The following ATP8A2 variants were observed in gnomAD, a reference collection of about 807,000 sequenced individuals.
The protein encoded by ATP8A2 is phospholipid-transporting ATPase IB.
ATP8A2 carries 100 observed loss-of-function variants against 165.6 expected under a neutral mutation model. That is an observed-to-expected ratio of 0.60 (90% confidence interval 0.51 to 0.71). The LOEUF (loss-of-function observed/expected upper bound fraction) is 0.71, where lower values mean the gene tolerates loss of function less well. Among genes scored for constraint, ATP8A2 ranks in the 30% least tolerant of loss-of-function variants. ATP8A2 has a pLI of 0.00. For missense variants in ATP8A2, 1,227 were observed against 1,479.5 expected, an observed-to-expected ratio of 0.83 and a Z score of 2.80; for synonymous variants, 543 against 548.8, an observed-to-expected ratio of 0.99 and a Z score of 0.15.
intron 16 of ATP8A2, chr13:25,567,304 C>G: frequency 2.2e-6 from 1 of 456,658 alleles, no homozygotes; most frequent in Non-Finnish European, 4.4e-6. Flanking sequence ...AATACCTCTC[C>G]CATTGCCTTC....
At chr13:25,907,919 C>T (rs144770845) in intron 33 of ATP8A2, among the ~76,000 whole-genome samples, 5 of 152,218 alleles carry the variant, frequency 3.3e-5, no homozygotes, top group East Asian at 3.9e-4. Context: ...GCCAACTCTA[C>T]GAGGAAATAG....
intron 33 of ATP8A2, among the ~76,000 whole-genome samples, chr13:25,960,941 G>C (rs7333000): frequency 4.6e-5 from 7 of 152,144 alleles, no homozygotes; most frequent in African/African-American, 1.7e-4. Flanking sequence ...TACTGAAATC[G>C]TGTTCATGTT....
intron 24 of ATP8A2, among the ~76,000 whole-genome samples, chr13:25,627,225 T>A (rs2041124250): frequency 6.6e-6 from 1 of 151,940 alleles, no homozygotes; most frequent in African/African-American, 2.4e-5. Context: ...GCAGAATACA[T>A]AGGAGGTGGT....
At chr13:25,377,873 C>T (rs531953202) in intron 1 of ATP8A2, among the ~76,000 whole-genome samples, 1 of 152,246 alleles carries the variant, frequency 6.6e-6, no homozygotes, top group Non-Finnish European at 1.5e-5. Flanking sequence ...AATCTCAGCA[C>T]TTTGGGAGGC....
chr13:25,573,431 GC>G (rs2039524724), intron 18 of ATP8A2, among the ~76,000 whole-genome samples: 1 of 152,116 alleles, frequency 6.6e-6, no homozygotes, highest in Non-Finnish European at 1.5e-5. Context: ...ACAAAAGACT[GC>G]CTGATTAGTT....
intron 27 of ATP8A2, among the ~76,000 whole-genome samples, chr13:25,804,114 T>C (rs773476617): frequency 1.3e-5 from 2 of 152,236 alleles, no homozygotes; most frequent in African/African-American, 2.4e-5. Flanking sequence ...TCATATATTG[T>C]ATACATTGGC....
intron 35 of ATP8A2, among the ~76,000 whole-genome samples, chr13:26,008,880 T>C (rs886577544): frequency 2.0e-5 from 3 of 152,170 alleles, no homozygotes; most frequent in African/African-American, 7.2e-5. Flanking sequence ...AGGCTAGAAA[T>C]GTAAGGGTGA....
At chr13:25,679,859 G>A (rs1351743635) in intron 24 of ATP8A2, among the ~76,000 whole-genome samples, 1 of 151,770 alleles carries the variant, frequency 6.6e-6, no homozygotes, top group Non-Finnish European at 1.5e-5. Flanking sequence ...AACATAGATT[G>A]TTGATTGCGG....
chr13:25,612,326 G>A (rs144268327), intron 24 of ATP8A2, among the ~76,000 whole-genome samples: 1 of 151,952 alleles, frequency 6.6e-6, no homozygotes, highest in East Asian at 1.9e-4. Flanking sequence ...GGTTTTGATA[G>A]GTTGTACCAC....
At chr13:25,556,380 G>T (rs1405175333) in intron 13 of ATP8A2, among the ~76,000 whole-genome samples, 2 of 151,954 alleles carry the variant, frequency 1.3e-5, no homozygotes, top group Non-Finnish European at 2.9e-5. Flanking sequence ...GTGGAGCATT[G>T]TTTCATATGT....
At chr13:26,006,189 T>C (rs1214038429) in intron 35 of ATP8A2, among the ~76,000 whole-genome samples, 2 of 152,058 alleles carry the variant, frequency 1.3e-5, no homozygotes, top group African/African-American at 2.4e-5. Context: ...CTTTAATGTT[T>C]TCAGAAGTGT....
chr13:25,527,123 T>A (rs1254998439), intron 2 of ATP8A2, among the ~76,000 whole-genome samples: 4 of 152,156 alleles, frequency 2.6e-5, no homozygotes, highest in African/African-American at 9.7e-5. Flanking sequence ...GTAAATTTGG[T>A]TTTTGTTTTC....
chr13:25,670,945 G>A (rs1191874358), intron 24 of ATP8A2, among the ~76,000 whole-genome samples: 1 of 152,190 alleles, frequency 6.6e-6, no homozygotes. Flanking sequence ...CTTGTTGGCA[G>A]TTCTGTTAAG....
At chr13:26,009,099 T>G (rs1229889443) in intron 35 of ATP8A2, among the ~76,000 whole-genome samples, 2 of 152,070 alleles carry the variant, frequency 1.3e-5, no homozygotes, top group Non-Finnish European at 2.9e-5. Context: ...GAATGGCGAG[T>G]ATAAGGAATT....
intron 27 of ATP8A2, among the ~76,000 whole-genome samples, chr13:25,805,622 C>T (rs1013280638): frequency 1.8e-4 from 28 of 152,322 alleles, no homozygotes; most frequent in African/African-American, 6.0e-4. Context: ...TTGGAAATCT[C>T]TACATGCTTG....
intron 24 of ATP8A2, among the ~76,000 whole-genome samples, chr13:25,655,411 G>A (rs191093628): frequency 3.3e-5 from 5 of 152,190 alleles, no homozygotes; most frequent in Non-Finnish European, 7.4e-5. Flanking sequence ...CACCCACCTC[G>A]GCCTCCCAAA....
chr13:25,814,695 T>C (rs1037383173), intron 27 of ATP8A2, among the ~76,000 whole-genome samples: 8 of 148,962 alleles, frequency 5.4e-5, no homozygotes, highest in South Asian at 2.1e-4. Flanking sequence ...AATAATGAAG[T>C]TGGACCCTTA....
intron 11 of ATP8A2, among the ~76,000 whole-genome samples, chr13:25,552,268 T>C (rs1259371305): frequency 6.6e-6 from 1 of 152,168 alleles, no homozygotes; most frequent in East Asian, 1.9e-4. Flanking sequence ...ATTACAGGTG[T>C]GAGTCACCAC....
intron 12 of ATP8A2, among the ~76,000 whole-genome samples, chr13:25,554,525 G>GTT (rs2038919465): frequency 9.7e-6 from 1 of 103,296 alleles, no homozygotes; most frequent in African/African-American, 3.4e-5. Context: ...GTGTGTGTGT[G>GTT]TGTATGTGTG....
Sources: allele counts gnomAD v4.1 joint callset (sites outside exome capture counted in the v4.1 genomes callset), GRCh38; gene constraint gnomAD v4.1.1; transcripts MANE v1.5; gene names NCBI Gene and HGNC (gene_info 2026-07-23, HGNC 2026-07-21).